The following FBXO36 variants were observed in gnomAD, a reference collection of about 807,000 sequenced individuals.
FBXO36 encodes the protein F-box protein 36.
FBXO36 carries 18 observed loss-of-function variants against 17.0 expected under a neutral mutation model. The ratio of observed to expected loss-of-function variants is 1.06; its 90% CI spans 0.73 to 1.57. The LOEUF is 1.57. Among genes scored for constraint, FBXO36 ranks in the 40% most tolerant of loss-of-function variants. The pLI is 0.00. For missense variants in FBXO36, 229 were observed against 221.9 expected (o/e 1.03, Z -0.20); for synonymous variants, 83 against 85.3 (o/e 0.97, Z 0.15).
chr2:230,007,012 GC>G, intron 3 of FBXO36, among the ~76,000 whole-genome samples: 1 of 152,300 alleles, frequency 6.6e-6, no homozygotes, highest in Non-Finnish European at 1.5e-5. Context: ...GTTGACCAAG[GC>G]CTGGAGCCTG....
chr2:229,935,373 TGTG>T (rs2076958852), intron 1 of FBXO36, among the ~76,000 whole-genome samples: 2 of 152,096 alleles, frequency 1.3e-5, no homozygotes, highest in Admixed American at 1.3e-4. Context: ...ATTAGCCAGA[TGTG>T]GTGGTGCATG....
chr2:229,999,271 C>CCT (rs1227153561), intron 3 of FBXO36, among the ~76,000 whole-genome samples: 2 of 150,932 alleles, frequency 1.3e-5, no homozygotes, highest in African/African-American at 4.9e-5. Context: ...GGATTACAGG[C>CCT]ACCCACCATC....
intron 2 of FBXO36, among the ~76,000 whole-genome samples, chr2:229,988,621 G>A (rs771631144): frequency 8.6e-5 from 13 of 152,006 alleles, no homozygotes; most frequent in African/African-American, 2.9e-4. Context: ...TACAAGCTCC[G>A]TCTCATGGGT....
chr2:229,934,207 C>T (rs1353751295), intron 1 of FBXO36, among the ~76,000 whole-genome samples: 1 of 151,856 alleles, frequency 6.6e-6, no homozygotes, highest in African/African-American at 2.4e-5. Context: ...CGAGACCATC[C>T]TGGCTAACAC....
intron 1 of FBXO36, among the ~76,000 whole-genome samples, chr2:229,965,949 G>A (rs1459030630): frequency 1.3e-5 from 2 of 152,104 alleles, no homozygotes; most frequent in East Asian, 1.9e-4. Flanking sequence ...CTGAGGAATC[G>A]CCATACTGTC....
chr2:229,934,581 A>G (rs562754870), intron 1 of FBXO36, among the ~76,000 whole-genome samples: 2 of 152,182 alleles, frequency 1.3e-5, no homozygotes, highest in Non-Finnish European at 2.9e-5. Flanking sequence ...CACAGCAGAA[A>G]ATGCTGAAGA....
At chr2:230,005,197 G>T (rs2077380544) in intron 3 of FBXO36, among the ~76,000 whole-genome samples, 1 of 152,074 alleles carries the variant, frequency 6.6e-6, no homozygotes, top group Admixed American at 6.6e-5. Flanking sequence ...CACCTCCTGG[G>T]CTCAAGCAAT....
At chr2:229,962,392 G>A (rs1182483445) in intron 1 of FBXO36, among the ~76,000 whole-genome samples, 1 of 151,632 alleles carries the variant, frequency 6.6e-6, no homozygotes, top group African/African-American at 2.4e-5. Context: ...GTGCAGTGGT[G>A]TATTCATAGC....
intron 2 of FBXO36, among the ~76,000 whole-genome samples, chr2:229,987,871 G>A (rs1048126669): frequency 3.3e-4 from 50 of 152,104 alleles, no homozygotes; most frequent in African/African-American, 8.2e-4. Context: ...GGCCTCAAGC[G>A]ATTCCTCCCA....
intron 2 of FBXO36, among the ~76,000 whole-genome samples, chr2:229,989,188 G>A (rs1163354525): frequency 6.6e-6 from 1 of 152,082 alleles, no homozygotes; most frequent in Non-Finnish European, 1.5e-5. Flanking sequence ...GTCAACTTTT[G>A]TATGTTGACA....
rs138353104 is a variant in FBXO36, at chr2:230,009,666, C to T, written c.379-1030C>T. On this transcript the variant is annotated intron_variant, in intron 3 of 3. Transcript: ENST00000283946. ...GAAAGTTATAAATACAACTTCCGGC[C>T]GGGCACGGTGGCTCACGCCTGTAAT... 1.7e-3 allele frequency among the ~76,000 whole-genome samples: 254 copies of T among 152,084 alleles called. 2 individuals carry two copies. The highest frequency in any genetic ancestry group is 5.8e-3 in the African/African-American group (240 of 41,486).
chr2:229,935,829 A>G (rs2076960951), intron 1 of FBXO36, among the ~76,000 whole-genome samples: 1 of 152,222 alleles, frequency 6.6e-6, no homozygotes, highest in Non-Finnish European at 1.5e-5. Flanking sequence ...TGCTGTGCCA[A>G]GCACTGAGGA....
chr2:229,996,937 A>G lies in FBXO36; in HGVS notation c.378+14A>G. On this transcript the variant is annotated intron_variant, in intron 3 of 3. Coordinates refer to ENST00000283946, the MANE Select transcript of FBXO36 (RefSeq NM_174899.5). Reference sequence around the variant, plus strand: ...AGATTTGCAAAGGTAACGGTCAATTATTTTATGTCTATATAGAATTTTCCA... The same window carrying G: ...AGATTTGCAAAGGTAACGGTCAATTGTTTTATGTCTATATAGAATTTTCCA... 1.3e-6 allele frequency: 2 copies of G among 1,599,726 alleles called. No homozygotes were observed. The highest frequency in any genetic ancestry group is 1.7e-6 in the Non-Finnish European group (2 of 1,175,770).
At chr2:230,004,025 C>T (rs1437755594) in intron 3 of FBXO36, among the ~76,000 whole-genome samples, 1 of 151,574 alleles carries the variant, frequency 6.6e-6, no homozygotes, top group Admixed American at 6.5e-5. Flanking sequence ...ATGAGGTCCA[C>T]AGTCGTAGCC....
intron 1 of FBXO36, among the ~76,000 whole-genome samples, chr2:229,930,921 C>T (rs897748477): frequency 6.6e-6 from 1 of 152,100 alleles, no homozygotes; most frequent in Non-Finnish European, 1.5e-5. Context: ...CATTCCCTTC[C>T]CTGCCCTACA....
intron 3 of FBXO36, among the ~76,000 whole-genome samples, chr2:230,004,269 G>T (rs747709931): frequency 6.6e-6 from 1 of 152,132 alleles, no homozygotes; most frequent in Non-Finnish European, 1.5e-5. Flanking sequence ...TCTCTGCCAA[G>T]CTCAAGGGCA....
At chr2:229,923,688 T>A (rs1053511368) in intron 1 of FBXO36, among the ~76,000 whole-genome samples, 13 of 151,954 alleles carry the variant, frequency 8.6e-5, no homozygotes, top group African/African-American at 1.9e-4. Context: ...AAATTTTTTT[T>A]AAAACAGTAC....
rs143093780 is a variant in FBXO36 at position 230,004,730 on chromosome 2, C to T, written c.379-5966C>T. Among the ~76,000 whole-genome samples the T allele has an allele frequency of 3.1e-3, 472 of 152,118 alleles. 2 individuals are homozygous for T. Among genetic ancestry groups the T allele is most frequent in the African/African-American group, 0.011 (445 of 41,500 alleles). Reference sequence around the variant, plus strand: ...ACTTTTAAAATATCAGTACTGGCCACGCATGGTGGCTCACACCTGTAATCC... The same window carrying T: ...ACTTTTAAAATATCAGTACTGGCCATGCATGGTGGCTCACACCTGTAATCC... On this transcript the variant is annotated intron_variant, in intron 3 of 3. Coordinates refer to ENST00000283946, the MANE Select transcript of FBXO36 (RefSeq NM_174899.5).
intron 3 of FBXO36, among the ~76,000 whole-genome samples, chr2:229,998,800 ATTTTT>A (rs1157314161): frequency 7.6e-6 from 1 of 132,198 alleles, no homozygotes; most frequent in African/African-American, 2.8e-5. Context: ...AAAAAACATA[ATTTTT>A]TTTTTTTTTT....
Sources: gnomAD v4.1 joint callset for allele counts (sites outside exome capture counted in the v4.1 genomes callset) on GRCh38, gnomAD v4.1.1 for gene constraint, MANE v1.5 for transcripts, NCBI Gene and HGNC (gene_info 2026-07-23, HGNC 2026-07-21) for gene names.